FMNL2: variants seen among roughly 807,000 people sequenced by gnomAD.
The protein encoded by FMNL2 is formin-like protein 2.
In FMNL2, 51 loss-of-function variants were observed where a neutral mutation model predicts 130.2. The ratio of observed to expected loss-of-function variants is 0.39; its 90% CI spans 0.31 to 0.49. FMNL2 has a LOEUF of 0.49. Ranked by LOEUF, FMNL2 falls within the 20% of genes least tolerant of loss-of-function variation. The pLI, the probability that FMNL2 is intolerant of heterozygous loss-of-function variation, is 0.85. For missense variants in FMNL2, 977 were observed against 1,316.2 expected (o/e 0.74, Z 3.99); for synonymous variants, 465 against 467.1 (o/e 1.00, Z 0.06).
In FMNL2 at chr2:152,617,168, G is replaced by A; in HGVS notation, c.1290G>A (p.Arg430=). The A allele has an allele frequency of 1.2e-6, 2 of 1,613,964 alleles. No individual in the cohort carries two copies. Among genetic ancestry groups the A allele is most frequent in the Non-Finnish European group, 1.7e-6 (2 of 1,179,868 alleles). ...IVELEKQLMQ[R]NKELDVVREI... ...AACTGGAAAAGCAACTCATGCAGAG[G>A]AACAAGGAGCTGGATGTCGTTCGGG... Residue 430 remains arginine (R), a synonymous_variant, in exon 13 of 26, where the codon AGG becomes AGA. Coordinates refer to ENST00000288670, the MANE Select transcript of FMNL2 (RefSeq NM_052905.4).
At chr2:152,416,401 A>G (rs1686615974) in intron 1 of FMNL2, among the ~76,000 whole-genome samples, 1 of 152,084 alleles carries the variant, frequency 6.6e-6, no homozygotes, top group African/African-American at 2.4e-5. Context: ...TGACTCATTT[A>G]TTTTTTGTCT....
chr2:152,335,806 G>A, intron 1 of FMNL2, 86 bp downstream of exon 1: 1 of 1,014,494 alleles, frequency 9.9e-7, no homozygotes, highest in Non-Finnish European at 1.4e-6. Context: ...CCTTCACCCC[G>A]TGCCGGGAGC....
intron 11 of FMNL2, among the ~76,000 whole-genome samples, chr2:152,614,572 G>A (rs1005615561): frequency 4.6e-5 from 7 of 151,870 alleles, no homozygotes; most frequent in African/African-American, 7.3e-5. Context: ...GTGAAACCCC[G>A]TCTCTACTAA....
intron 1 of FMNL2, among the ~76,000 whole-genome samples, chr2:152,457,402 G>A (rs1689015318): frequency 6.6e-6 from 1 of 152,170 alleles, no homozygotes; most frequent in Admixed American, 6.5e-5. Flanking sequence ...AAGTGAGGCT[G>A]GGAGAGAAGT....
At chr2:152,506,636 G>A (rs1209093604) in intron 1 of FMNL2, among the ~76,000 whole-genome samples, 1 of 152,126 alleles carries the variant, frequency 6.6e-6, no homozygotes, top group Non-Finnish European at 1.5e-5. Flanking sequence ...AGGTGTGATG[G>A]GGGTGGAGGT....
In FMNL2 at chr2:152,356,960, C is replaced by T. The variant is rs1361974622; in HGVS notation, c.117+21240C>T. Among the ~76,000 whole-genome samples, 13 of 147,414 alleles carry T rather than the reference C, an allele frequency of 8.8e-5. No homozygotes were observed. In the South Asian group the frequency reaches 1.5e-3, roughly 17 times the overall value. ...AATATATATTAAGTAATATATATAA[C>T]GATAAATATTAAATAAGTTTAATAT... is the stretch of plus-strand genomic sequence containing the variant. On this transcript the variant is annotated intron_variant, in intron 1 of 25. Transcript: ENST00000288670.
intron 1 of FMNL2, among the ~76,000 whole-genome samples, chr2:152,417,479 C>T (rs13398440): frequency 0.05 from 7,560 of 152,218 alleles, 300 homozygotes; most frequent in African/African-American, 0.1. Context: ...TGGGACCAAG[C>T]GGGGATCAGG....
At chr2:152,361,999 A>G (rs1198886375) in intron 1 of FMNL2, among the ~76,000 whole-genome samples, 2 of 152,208 alleles carry the variant, frequency 1.3e-5, no homozygotes, top group Non-Finnish European at 2.9e-5. Flanking sequence ...TTAGAAAACA[A>G]TTAGGAATGG....
In FMNL2 at chr2:152,649,400, A is replaced by C. The variant is rs181952844; in HGVS notation, c.*1495A>C. The C allele has an allele frequency of 2.0e-5, 3 of 152,558 alleles. No homozygotes were observed. The East Asian group carries it at 5.8e-4, about 29-fold the overall frequency. 9.5% of individuals were successfully genotyped at this position (152,558 alleles called of 1,614,324 possible). On this transcript the variant is annotated 3_prime_UTR_variant, in exon 26 of 26. Transcript: ENST00000288670. ...TAGTTTTTTTTAATATATATATTTAACTATAAGGACAGTTTAGGGAACAAG... is the reference window on the plus strand; with the variant it reads ...TAGTTTTTTTTAATATATATATTTACCTATAAGGACAGTTTAGGGAACAAG...
chr2:152,519,144 C>T (rs1395102683), intron 1 of FMNL2, among the ~76,000 whole-genome samples: 1 of 152,156 alleles, frequency 6.6e-6, no homozygotes, highest in African/African-American at 2.4e-5. Flanking sequence ...CCTGGCCAAT[C>T]CTTCTCATTT....
At chr2:152,473,918 A>G (rs764855253) in intron 1 of FMNL2, among the ~76,000 whole-genome samples, 3 of 152,210 alleles carry the variant, frequency 2.0e-5, no homozygotes, top group Admixed American at 6.5e-5. Flanking sequence ...TCTGTCGCCC[A>G]GGCTGGAGTG....
At chr2:152,543,854 G>C (rs1694466906) in intron 3 of FMNL2, among the ~76,000 whole-genome samples, 1 of 151,568 alleles carries the variant, frequency 6.6e-6, no homozygotes, top group Non-Finnish European at 1.5e-5. Context: ...TAGTGATGAT[G>C]ACAGTGTAGT....
chr2:152,341,564 G>C lies in FMNL2; in HGVS notation c.117+5844G>C, dbSNP rs367637236. Among the ~76,000 whole-genome samples, 22 of 152,282 alleles carry C rather than the reference G, an allele frequency of 1.4e-4. No homozygotes were observed. In the East Asian group the frequency reaches 3.9e-3, roughly 27 times the overall value. On this transcript the variant is annotated intron_variant, in intron 1 of 25. Transcript: ENST00000288670. ...AGAATCATATTTGCTGCACCAACTT[G>C]GACAAGTGAAACTCTTTCCTCTGGC...
chr2:152,426,614 G>A (rs1381775993), intron 1 of FMNL2, among the ~76,000 whole-genome samples: 1 of 152,124 alleles, frequency 6.6e-6, no homozygotes, highest in East Asian at 1.9e-4. Context: ...TTAGTCAGAG[G>A]TGGGGCCCAG....
intron 16 of FMNL2, 26 bp downstream of exon 16, chr2:152,625,588 A>T (rs1681728587): frequency 6.3e-7 from 1 of 1,593,042 alleles, no homozygotes; most frequent in Non-Finnish European, 8.6e-7. Context: ...GTTAGAAACT[A>T]GAGGTGCACT....
At chr2:152,483,972 A>G (rs956800723) in intron 1 of FMNL2, among the ~76,000 whole-genome samples, 1 of 152,222 alleles carries the variant, frequency 6.6e-6, no homozygotes, top group African/African-American at 2.4e-5. Flanking sequence ...GTATTTGTAT[A>G]GGGTGCAGAT....
chr2:152,438,902 C>A (rs549170330), intron 1 of FMNL2, among the ~76,000 whole-genome samples: 1 of 152,184 alleles, frequency 6.6e-6, no homozygotes, highest in Admixed American at 6.5e-5. Flanking sequence ...ATGCCATAAT[C>A]ATCAGTTGCC....
chr2:152,597,786 T>C (rs1697845062), intron 9 of FMNL2, among the ~76,000 whole-genome samples: 1 of 152,210 alleles, frequency 6.6e-6, no homozygotes, highest in Non-Finnish European at 1.5e-5. Flanking sequence ...TAAGAACTGG[T>C]ACCCAAATCC....
intron 5 of FMNL2, among the ~76,000 whole-genome samples, chr2:152,560,629 A>G (rs973680565): frequency 3.9e-5 from 6 of 152,310 alleles, no homozygotes; most frequent in South Asian, 4.1e-4. Flanking sequence ...TACAAATAAT[A>G]TATCACTATT....
Sources: allele counts gnomAD v4.1 joint callset (sites outside exome capture counted in the v4.1 genomes callset), GRCh38; gene constraint gnomAD v4.1.1; transcripts MANE v1.5; gene names NCBI Gene and HGNC (gene_info 2026-07-23, HGNC 2026-07-21).